The following EVA1C variants were observed in gnomAD, a reference collection of about 807,000 sequenced individuals.
EVA1C encodes eva-1 homolog C, also known as protein eva-1 homolog C.
In EVA1C, 25 loss-of-function variants were observed where a neutral mutation model predicts 45.4. The ratio of observed to expected loss-of-function variants is 0.55; its 90% CI spans 0.40 to 0.77. The LOEUF is 0.77. Ranked by LOEUF, EVA1C falls within the 30% of genes least tolerant of loss-of-function variation. The pLI is 0.00. For synonymous variants in EVA1C, 190 were observed against 221.2 expected, an observed-to-expected ratio of 0.86 and a Z score of 1.25; for missense variants, 479 against 554.8, an observed-to-expected ratio of 0.86 and a Z score of 1.37.
intron 1 of EVA1C, among the ~76,000 whole-genome samples, chr21:32,418,841 T>G (rs1672753253): frequency 3.3e-5 from 5 of 152,232 alleles, no homozygotes; most frequent in Admixed American, 3.3e-4. Context: ...CTGAATAGAC[T>G]GACCTTTTCC....
At chr21:32,449,385 C>T (rs199586469) in intron 1 of EVA1C, among the ~76,000 whole-genome samples, 2 of 152,220 alleles carry the variant, frequency 1.3e-5, no homozygotes, top group East Asian at 1.9e-4. Flanking sequence ...CTCCTTTCTC[C>T]TGACCTCTGG....
chr21:32,476,892 A>G (rs2036588330), intron 4 of EVA1C, among the ~76,000 whole-genome samples: 1 of 152,124 alleles, frequency 6.6e-6, no homozygotes, highest in Non-Finnish European at 1.5e-5. Context: ...CAGAGGAGGG[A>G]GAGCAGTGCT....
rs145598692 is a variant in EVA1C, at chr21:32,419,860, T to C, written c.160+6847T>C. Among the ~76,000 whole-genome samples the C allele has an allele frequency of 6.4e-3, 976 of 152,348 alleles. 14 individuals are homozygous for C. The highest frequency in any genetic ancestry group is 0.02 in the African/African-American group (826 of 41,576). ...TTATGATACTTTGTCACTATTTTAA[T>C]GAGGCTGGTATATTTGTATCCTTCT... On this transcript the variant is annotated intron_variant, in intron 1 of 7. Transcript: ENST00000300255.
At chr21:32,441,536 G>A (rs1192167919) in intron 1 of EVA1C, among the ~76,000 whole-genome samples, 2 of 151,920 alleles carry the variant, frequency 1.3e-5, no homozygotes, top group Non-Finnish European at 2.9e-5. Context: ...AAGTAGAAGG[G>A]GCCCAGTGGC....
At chr21:32,483,514 G>A (rs2036864788) in intron 4 of EVA1C, among the ~76,000 whole-genome samples, 1 of 152,174 alleles carries the variant, frequency 6.6e-6, no homozygotes, top group South Asian at 2.1e-4. Flanking sequence ...CTCCCAGGCA[G>A]TCAGGGGAAA....
At chr21:32,475,114 A>C (rs1469119974) in intron 4 of EVA1C, among the ~76,000 whole-genome samples, 1 of 152,202 alleles carries the variant, frequency 6.6e-6, no homozygotes, top group Non-Finnish European at 1.5e-5. Flanking sequence ...TGAGTCCTGG[A>C]ACATCTGGTT....
At chr21:32,483,962 ATGTGTGTGTGTGTG>A (rs55688415) in intron 4 of EVA1C, among the ~76,000 whole-genome samples, 2,473 of 147,330 alleles carry the variant, frequency 0.017, 54 homozygotes, top group Admixed American at 0.04. Flanking sequence ...CTCACTGTTT[ATGTGTGTGTGTGTG>A]TGTGTGTGTG....
At chr21:32,449,498 T>A (rs2035496525) in intron 1 of EVA1C, among the ~76,000 whole-genome samples, 1 of 152,262 alleles carries the variant, frequency 6.6e-6, no homozygotes, top group Non-Finnish European at 1.5e-5. Flanking sequence ...CTTCTTTCAC[T>A]TAGGAATATG....
At chr21:32,477,626 G>A (rs2036612502) in intron 4 of EVA1C, among the ~76,000 whole-genome samples, 1 of 151,832 alleles carries the variant, frequency 6.6e-6, no homozygotes, top group Non-Finnish European at 1.5e-5. Flanking sequence ...AGTCTCTTAT[G>A]TGTCCTTACA....
At chr21:32,457,062 TA>T (rs922415055) in intron 2 of EVA1C, among the ~76,000 whole-genome samples, 5 of 152,194 alleles carry the variant, frequency 3.3e-5, no homozygotes, top group African/African-American at 1.2e-4. Context: ...TTGTAATTTT[TA>T]TTTTTTGGCC....
intron 1 of EVA1C, chr21:32,453,057 C>T (rs1262432207): frequency 2.4e-6 from 1 of 414,916 alleles, no homozygotes; most frequent in Non-Finnish European, 4.3e-6. Flanking sequence ...GAGCCCTCGC[C>T]AGGGACCCCA....
intron 1 of EVA1C, among the ~76,000 whole-genome samples, chr21:32,439,655 C>G (rs2035101222): frequency 6.6e-6 from 1 of 152,016 alleles, no homozygotes; most frequent in Non-Finnish European, 1.5e-5. Context: ...TTAGGCACGG[C>G]TTTTTGGATT....
intron 4 of EVA1C, among the ~76,000 whole-genome samples, chr21:32,490,712 C>A (rs2037125054): frequency 6.6e-6 from 1 of 152,140 alleles, no homozygotes; most frequent in East Asian, 1.9e-4. Flanking sequence ...CTTCTGGTTC[C>A]ATTTTAGTCT....
In EVA1C at chr21:32,452,300, T is replaced by C. The variant is rs1460069269; in HGVS notation, c.161-1012T>C. On this transcript the variant is annotated intron_variant, in intron 1 of 7. Transcript: ENST00000300255. The surrounding 1 kb of genome is among the most constrained non-coding windows in gnomAD (Gnocchi z 4.0). ...CAGTGGGCCATCCCAGACCGAGGTTTCTGACCCAGACATTGAAACAGGAGG... is the reference window on the plus strand; with the variant it reads ...CAGTGGGCCATCCCAGACCGAGGTTCCTGACCCAGACATTGAAACAGGAGG... 6.6e-6 allele frequency: 1 copy of C among 152,282 alleles called. No individual in the cohort carries two copies. Among genetic ancestry groups the C allele is most frequent in the African/African-American group, 2.4e-5 (1 of 41,460 alleles). The allele number at this position is 152,282 out of a possible 1,614,324, so 9.4% of individuals were successfully genotyped here. A position where few individuals can be genotyped will look rare whatever the true frequency, so the allele number is the denominator to read the frequency against.
rs1307143112 is a variant in EVA1C, at chr21:32,475,901, ATCTATCTATCTATC to A, written c.634+8055_634+8068del. Among the ~76,000 whole-genome samples, 136 of 150,162 alleles carry A rather than the reference ATCTATCTATCTATC, an allele frequency of 9.1e-4. 1 individual carries two copies. Among genetic ancestry groups the A allele is most frequent in the South Asian group, 6.3e-3 (30 of 4,740 alleles). On this transcript the variant is annotated intron_variant, in intron 4 of 7. Transcript: ENST00000300255. ...ACTTTATCTATCTATCTATCTATCT[ATCTATCTATCTATC>A]TATCTATCTATCTATATAAACAGGA... is the stretch of plus-strand genomic sequence containing the variant.
chr21:32,501,539 G>A (rs750342159), intron 6 of EVA1C, 44 bp downstream of exon 6: 1 of 1,589,678 alleles, frequency 6.3e-7, no homozygotes, highest in Admixed American at 1.7e-5. Flanking sequence ...TTAAGTAAAG[G>A]TAAACAGCCC....
chr21:32,486,877 G>A (rs1051214332), intron 4 of EVA1C, among the ~76,000 whole-genome samples: 4 of 152,224 alleles, frequency 2.6e-5, no homozygotes, highest in South Asian at 4.1e-4. Flanking sequence ...ATACAAATAT[G>A]TTACACATAT....
intron 4 of EVA1C, among the ~76,000 whole-genome samples, chr21:32,491,580 C>T (rs150804891): frequency 3.4e-4 from 50 of 146,768 alleles, no homozygotes; most frequent in African/African-American, 1.1e-3. Flanking sequence ...GCTACTTGGT[C>T]GGCTGGGGCA....
intron 7 of EVA1C, among the ~76,000 whole-genome samples, chr21:32,513,451 T>C (rs554458503): frequency 1.1e-4 from 17 of 148,750 alleles, no homozygotes; most frequent in African/African-American, 4.1e-4. Flanking sequence ...AGTGCTGGGA[T>C]TACAGGCGTG....
Sources: allele counts gnomAD v4.1 joint callset (sites outside exome capture counted in the v4.1 genomes callset), GRCh38; gene constraint gnomAD v4.1.1; non-coding constraint Gnocchi (gnomAD v3.1); transcripts MANE v1.5; gene names NCBI Gene and HGNC (gene_info 2026-07-23, HGNC 2026-07-21).